The following P2RX7 variants were observed in gnomAD, a reference collection of about 807,000 sequenced individuals.
P2RX7 encodes purinergic receptor P2X 7.
A neutral mutation model predicts 71.6 loss-of-function variants in P2RX7; 62 were observed. That is an observed-to-expected ratio of 0.87 (90% CI 0.71 to 1.07). The LOEUF (loss-of-function observed/expected upper bound fraction) is 1.07, where lower values mean the gene tolerates loss of function less well. Among genes scored for constraint, P2RX7 ranks in the 50% least tolerant of loss-of-function variants. The pLI is 0.00. For synonymous variants in P2RX7, 299 were observed against 283.3 expected (o/e 1.06, Z -0.56); for missense variants, 686 against 748.5 (o/e 0.92, Z 0.97).
chr12:121,146,778 G>A (rs1010879256), intron 1 of P2RX7, among the ~76,000 whole-genome samples: 3 of 152,196 alleles, frequency 2.0e-5, no homozygotes, highest in Non-Finnish European at 4.4e-5. Flanking sequence ...CATGAATGCG[G>A]GATGGACAGA....
chr12:121,150,263 T>C (rs1487036181), intron 1 of P2RX7, among the ~76,000 whole-genome samples: 1 of 152,246 alleles, frequency 6.6e-6, no homozygotes, highest in African/African-American at 2.4e-5. Flanking sequence ...AAAATTTACA[T>C]GTTCATGATG....
At chr12:121,161,352 C>A (rs1296411525) in intron 4 of P2RX7, among the ~76,000 whole-genome samples, 2 of 152,170 alleles carry the variant, frequency 1.3e-5, no homozygotes, top group Non-Finnish European at 2.9e-5. Flanking sequence ...TATTAACCTG[C>A]AGAATTTTTT....
intron 1 of P2RX7, among the ~76,000 whole-genome samples, chr12:121,134,313 A>G (rs532724264): frequency 2.0e-4 from 30 of 152,332 alleles, no homozygotes; most frequent in African/African-American, 7.0e-4. Flanking sequence ...CATTCCTATC[A>G]GCAGAGTATG....
chr12:121,151,679 T>C (rs1393524286), intron 1 of P2RX7, among the ~76,000 whole-genome samples: 2 of 152,084 alleles, frequency 1.3e-5, no homozygotes, highest in African/African-American at 4.8e-5. Context: ...TTCAGTGGCA[T>C]TTAGGACATT....
intron 1 of P2RX7, among the ~76,000 whole-genome samples, chr12:121,142,420 G>T (rs71454679): frequency 1.3e-5 from 2 of 152,032 alleles, no homozygotes; most frequent in African/African-American, 4.8e-5. Flanking sequence ...ATGACACAAC[G>T]CATTGTTCTC....
intron 1 of P2RX7, among the ~76,000 whole-genome samples, chr12:121,142,186 C>T (rs1875041283): frequency 1.3e-5 from 2 of 152,228 alleles, no homozygotes; most frequent in South Asian, 4.1e-4. Flanking sequence ...GAAACTAATA[C>T]AGTCCCACAG....
At position 121,156,069 on chromosome 12, in the gene P2RX7, T is replaced by A. The variant is rs965276754; in HGVS notation, c.295-10T>A. The A allele has an allele frequency of 6.2e-7, 1 of 1,612,992 alleles. No individual in the cohort carries two copies. Among genetic ancestry groups the A allele is most frequent in the Non-Finnish European group, 8.5e-7 (1 of 1,178,954 alleles). ...GGCCTTGCATTTTCTTAGCCTCTCC[T>A]TCTCCACAGGGGAACTCTTTCTTCG... On this transcript the variant is annotated splice_polypyrimidine_tract_variant and intron_variant, in intron 2 of 12. Transcript: ENST00000328963.
At position 121,133,002 on chromosome 12, in the gene P2RX7, T is replaced by C; in HGVS notation, c.32T>C (p.Phe11Ser). 6.2e-7 allele frequency: 1 copy of C among 1,613,930 alleles called. No homozygotes were observed. Among genetic ancestry groups the C allele is most frequent in the Non-Finnish European group, 8.5e-7 (1 of 1,179,960 alleles). Residue 11 changes from phenylalanine (F) to serine (S), a missense_variant, in exon 1 of 13, where the codon TTC becomes TCC. Phe to Ser is a radical substitution (Grantham distance 155). Transcript: ENST00000328963. MPACCSCSDV[F>S]QYETNKVTRI... ...GCCTGCTGCAGCTGCAGTGATGTTT[T>C]CCAGTATGAGACGAACAAAGTCACT...
chr12:121,180,108 C>A (rs562061954), intron 11 of P2RX7, among the ~76,000 whole-genome samples: 24 of 130,320 alleles, frequency 1.8e-4, no homozygotes, highest in Admixed American at 8.5e-4. Context: ...AAGATCATGC[C>A]ATTGCACTCC....
chr12:121,155,418 A>T (rs1482701394), intron 2 of P2RX7: 2 of 1,284,364 alleles, frequency 1.6e-6, no homozygotes, highest in South Asian at 2.5e-5. Context: ...CAAAAAGAAG[A>T]AAGGCATCGG....
intron 1 of P2RX7, among the ~76,000 whole-genome samples, chr12:121,150,202 G>A (rs1311497619): frequency 1.3e-5 from 2 of 152,068 alleles, no homozygotes; most frequent in South Asian, 2.1e-4. Flanking sequence ...GTGCAAACTC[G>A]CTTTCATTCC....
At chr12:121,168,547 G>T (rs1718132) in intron 8 of P2RX7, among the ~76,000 whole-genome samples, 59,091 of 151,964 alleles carry the variant, frequency 0.39, 11,941 homozygotes, top group African/African-American at 0.45. Flanking sequence ...AGGATTACAG[G>T]CATGAGCCAC....
rs200144018 is a variant in P2RX7 at position 121,184,827 on chromosome 12, G to A, written c.*25G>A. 10 of 1,509,358 alleles carry A rather than the reference G, an allele frequency of 6.6e-6. No individual in the cohort carries two copies. Among genetic ancestry groups the A allele is most frequent in the Non-Finnish European group, 8.9e-6 (10 of 1,120,570 alleles). The allele number at this position is 1,509,358 out of a possible 1,614,324, so 93.5% of individuals were successfully genotyped here. On this transcript the variant is annotated 3_prime_UTR_variant, in exon 13 of 13. Coordinates refer to ENST00000328963, the MANE Select transcript of P2RX7 (RefSeq NM_002562.6). The stretch of plus-strand genomic sequence containing the variant: ...AAGCCAGGCACCGTGGCTCACGTCT[G>A]TAATCCCAGCGCTTTGGGAGGCCGA...
chr12:121,138,073 C>T, intron 1 of P2RX7, among the ~76,000 whole-genome samples: 1 of 152,048 alleles, frequency 6.6e-6, no homozygotes, highest in South Asian at 2.1e-4. Context: ...CTAAGCAGGT[C>T]TGTGTCAGCC....
chr12:121,174,390 G>A (rs1303744298), intron 8 of P2RX7, among the ~76,000 whole-genome samples: 1 of 152,022 alleles, frequency 6.6e-6, no homozygotes, highest in Non-Finnish European at 1.5e-5. Context: ...AGTGGTGCAC[G>A]CTTGTAGTCC....
intron 12 of P2RX7, among the ~76,000 whole-genome samples, 185 bp downstream of exon 12, chr12:121,180,640 A>G (rs1883995489): frequency 6.6e-6 from 1 of 152,090 alleles, no homozygotes; most frequent in Non-Finnish European, 1.5e-5. Flanking sequence ...CCCCCCTCCA[A>G]TCACTACCCT....
At chr12:121,145,120 T>C (rs776267443) in intron 1 of P2RX7, among the ~76,000 whole-genome samples, 4 of 151,152 alleles carry the variant, frequency 2.6e-5, no homozygotes, top group Non-Finnish European at 5.9e-5. Flanking sequence ...CAAGAGAAGA[T>C]GTAGATGAGA....
intron 1 of P2RX7, among the ~76,000 whole-genome samples, chr12:121,146,912 A>C (rs894863405): frequency 2.0e-5 from 3 of 152,252 alleles, no homozygotes; most frequent in Non-Finnish European, 4.4e-5. Flanking sequence ...CAGAGCAATT[A>C]GGCAAGAAAA....
Position 121,167,600 on chromosome 12 carries a change from C to T in P2RX7, c.857C>T (p.Ser286Phe). Residue 286 changes from serine to phenylalanine, a missense_variant, in exon 8 of 13, where the codon TCC becomes TTC. Coordinates refer to ENST00000328963, the MANE Select transcript of P2RX7 (RefSeq NM_002562.6). ...CTTGACGACAAGACCACCAACGTGT[C>T]CTTGTACCCTGGCTACAACTTCAGG... ...RRLDDKTTNVSLYPGYNFRYA... is the reference protein window; with the variant it reads ...RRLDDKTTNVFLYPGYNFRYA... The T allele has an allele frequency of 1.3e-6, 2 of 1,598,596 alleles. No individual in the cohort carries two copies. The highest frequency in any genetic ancestry group is 1.7e-6 in the Non-Finnish European group (2 of 1,171,520).
Sources: allele counts gnomAD v4.1 joint callset (sites outside exome capture counted in the v4.1 genomes callset), GRCh38; gene constraint gnomAD v4.1.1; transcripts MANE v1.5; gene names NCBI Gene and HGNC (gene_info 2026-07-23, HGNC 2026-07-21).